The following FAM228B variants were observed in gnomAD, a reference collection of about 807,000 sequenced individuals.
The protein encoded by FAM228B is family with sequence similarity 228 member B, also known as protein FAM228B.
FAM228B carries 38 observed loss-of-function variants against 42.6 expected under a neutral mutation model. The observed-to-expected ratio is 0.89, with a 90% CI of 0.69 to 1.17. The LOEUF is 1.17. Among genes scored for constraint, FAM228B ranks in the 50% most tolerant of loss-of-function variants. The probability of loss-of-function intolerance (pLI) is 0.00; values close to 1 mark genes in which losing one functional copy is unlikely to be tolerated. For synonymous variants in FAM228B, 109 were observed against 122.3 expected, an observed-to-expected ratio of 0.89 and a Z score of 0.72; for missense variants, 344 against 367.3, an observed-to-expected ratio of 0.94 and a Z score of 0.52.
intron 10 of FAM228B, among the ~76,000 whole-genome samples, chr2:24,168,454 T>C (rs140421343): frequency 6.6e-6 from 1 of 152,330 alleles, no homozygotes; most frequent in East Asian, 1.9e-4. Context: ...CATGTGGCAA[T>C]GCTGCTGAGA....
chr2:24,123,696 T>C (rs1048587516), intron 1 of FAM228B, among the ~76,000 whole-genome samples, 163 bp downstream of exon 1: 1 of 150,282 alleles, frequency 6.7e-6, no homozygotes, highest in Admixed American at 6.6e-5. Flanking sequence ...GCCGGCGACC[T>C]CCCCGCCAGG....
intron 3 of FAM228B, among the ~76,000 whole-genome samples, chr2:24,101,198 C>T (rs1323699880): frequency 6.6e-6 from 1 of 152,108 alleles, no homozygotes; most frequent in African/African-American, 2.4e-5. Flanking sequence ...ACCAACATGG[C>T]ACATGTATAC....
chr2:24,108,409 T>C (rs1448840811), intron 3 of FAM228B, among the ~76,000 whole-genome samples: 1 of 152,022 alleles, frequency 6.6e-6, no homozygotes, highest in African/African-American at 2.4e-5. Context: ...TTACAAAAAA[T>C]TGAGGAGGAG....
intron 5 of FAM228B, among the ~76,000 whole-genome samples, chr2:24,143,256 C>G (rs968688273): frequency 1.3e-5 from 2 of 152,068 alleles, no homozygotes; most frequent in Non-Finnish European, 2.9e-5. Context: ...TCTCGGCTCA[C>G]TGCAACCTCC....
rs969589153 is a variant in FAM228B at position 24,123,510 on chromosome 2, G to T, written c.-56G>T. On this transcript the variant is annotated 5_prime_UTR_variant, in exon 1 of 11. Transcript: ENST00000615575. ...CCGCGGCGCAGGGGGCGGAGTGCTC[G>T]CGCGGCGCTGCGTCCGGGAGACGGT... 1.3e-5 allele frequency: 2 copies of T among 152,190 alleles called. No homozygotes were observed. The highest frequency in any genetic ancestry group is 6.5e-5 in the Admixed American group (1 of 15,276). The allele number at this position is 152,190 out of a possible 1,614,324, so 9.4% of individuals were successfully genotyped here.
Position 24,161,565 on chromosome 2 carries a change from C to T in FAM228B, c.746C>T (p.Ala249Val). The change falls in exon 8 of 11, where the codon GCT (alanine) becomes GTT (valine). Residue 249 changes from alanine (A) to valine (V), a missense_variant. Ala to Val is a moderately conservative substitution (Grantham distance 64). Coordinates refer to ENST00000615575, the MANE Select transcript of FAM228B (RefSeq NM_001145710.2). ...CSFDLKPLAR[A>V]PYLLESQEEE... ...TTTGATTTGAAACCTTTGGCAAGAG[C>T]TCCTTATCTTTTGGAATCCCAGGAA... 1 of 1,548,232 alleles carries T rather than the reference C, an allele frequency of 6.5e-7. No homozygotes were observed. Among genetic ancestry groups the T allele is most frequent in the Non-Finnish European group, 8.7e-7 (1 of 1,143,786 alleles).
In FAM228B at chr2:24,157,371, C is replaced by T. The variant is rs113578501; in HGVS notation, c.687-4135C>T. Among the ~76,000 whole-genome samples the T allele has an allele frequency of 3.8e-3, 571 of 152,188 alleles. 4 individuals are homozygous for T. Among genetic ancestry groups the T allele is most frequent in the Non-Finnish European group, 6.4e-3 (437 of 68,020 alleles). ...TTGGTAGGTACTATTACACAGATGA[C>T]TTAAGGACCTTTTCAATTTTATAGC... On this transcript the variant is annotated intron_variant, in intron 7 of 10. Transcript: ENST00000615575.
intron 7 of FAM228B, among the ~76,000 whole-genome samples, chr2:24,158,729 G>A (rs1407281507): frequency 6.6e-6 from 1 of 152,174 alleles, no homozygotes; most frequent in African/African-American, 2.4e-5. Flanking sequence ...GATGACACAA[G>A]GGAATTCTAG....
chr2:24,112,676 T>C (rs1293675594), intron 3 of FAM228B, among the ~76,000 whole-genome samples: 1 of 152,230 alleles, frequency 6.6e-6, no homozygotes, highest in Non-Finnish European at 1.5e-5. Context: ...ATATTACTTT[T>C]GTAATCCTAA....
rs1665427267 is a variant in FAM228B at position 24,093,227 on chromosome 2, A to ACACCTAT, written c.-209-1911_-209-1905dup. 2.6e-5 allele frequency among the ~76,000 whole-genome samples: 4 copies of ACACCTAT among 151,974 alleles called. 1 individual carries two copies. In the South Asian group the frequency reaches 8.3e-4, roughly 32 times the overall value. ...CATACATGTGCCATGGTGGTTTACT[A>ACACCTAT]CACCTATCAGCCTGTCATCTAGGCT... On this transcript the variant is annotated intron_variant, in intron 2 of 10. Transcript: ENST00000613899.
At chr2:24,164,520 G>GGCCCCCTGGTGGAGTCACACGATGAGGGT (rs879282865) in intron 9 of FAM228B, among the ~76,000 whole-genome samples, 185 bp downstream of exon 9, 2 of 150,974 alleles carry the variant, frequency 1.3e-5, no homozygotes, top group South Asian at 2.1e-4. Flanking sequence ...GGGCTGCCCT[G>GGCCCCCTGGTGGAGTCACACGATGAGGGT]GCCCCCTGGT....
chr2:24,086,110 C>CT (rs1665238541), intron 2 of FAM228B, among the ~76,000 whole-genome samples: 1 of 151,860 alleles, frequency 6.6e-6, no homozygotes, highest in African/African-American at 2.4e-5. Context: ...TGGCGGGCGC[C>CT]TGTAGTCCCA....
intron 2 of FAM228B, among the ~76,000 whole-genome samples, chr2:24,091,586 T>C (rs1473962093): frequency 1.3e-5 from 2 of 152,246 alleles, no homozygotes; most frequent in African/African-American, 2.4e-5. Context: ...AGCTTTATTC[T>C]ACTTCAGTTA....
In FAM228B at chr2:24,139,360, C is replaced by A; in HGVS notation, c.361-10C>A. The A allele has an allele frequency of 6.6e-7, 1 of 1,505,228 alleles. No homozygotes were observed. Among genetic ancestry groups the A allele is most frequent in the Non-Finnish European group, 9.0e-7 (1 of 1,109,992 alleles). 93.2% of individuals were successfully genotyped at this position (1,505,228 alleles called of 1,614,324 possible). On this transcript the variant is annotated splice_polypyrimidine_tract_variant and intron_variant, in intron 4 of 10. Coordinates refer to ENST00000615575, the MANE Select transcript of FAM228B (RefSeq NM_001145710.2). The stretch of plus-strand genomic sequence containing the variant: ...TTGTTCTTGTGTATCGTTTTATTTC[C>A]TTGCTATAGGGAAATGCATTTATAG...
chr2:24,130,619 C>A (rs1303624225), intron 2 of FAM228B, among the ~76,000 whole-genome samples: 1 of 152,030 alleles, frequency 6.6e-6, no homozygotes, highest in South Asian at 2.1e-4. Flanking sequence ...TTTTGAGAAG[C>A]ATCTGTTCAT....
At chr2:24,086,096 G>T (rs1217485903) in intron 2 of FAM228B, among the ~76,000 whole-genome samples, 1 of 151,882 alleles carries the variant, frequency 6.6e-6, no homozygotes. Flanking sequence ...TTAGCCGGGC[G>T]TGGTGGCGGG....
rs1010760398 is a variant in FAM228B at position 24,167,634 on chromosome 2, T to G, written c.940T>G (p.Ser314Ala). Reference sequence around the variant, plus strand: ...CTTCAATCTTCATTTAAGGTCTCCCTCCCCGCGTTTGGGGCTGCTGAAGCT... The same window carrying G: ...CTTCAATCTTCATTTAAGGTCTCCCGCCCCGCGTTTGGGGCTGCTGAAGCT... ...EREEDQDGSPSPRLGLLKLEL is the reference protein window; with the variant it reads ...EREEDQDGSPAPRLGLLKLEL Residue 314 changes from serine (S) to alanine (A), a missense_variant, in exon 10 of 11, where the codon TCC (serine) becomes GCC (alanine). Coordinates refer to ENST00000615575, the MANE Select transcript of FAM228B (RefSeq NM_001145710.2). 9 of 1,551,412 alleles carry G rather than the reference T, an allele frequency of 5.8e-6. No individual in the cohort carries two copies. In the African/African-American group the frequency reaches 1.1e-4, roughly 19 times the overall value.
Position 24,077,458 on chromosome 2 carries a change from T to G in FAM228B, c.-290+489T>G. On this transcript the variant is annotated intron_variant, in intron 1 of 10. Coordinates refer to the FAM228B transcript ENST00000613899. The surrounding 1 kb of genome is among the most constrained non-coding windows in gnomAD (Gnocchi z 5.5). ...TTCCAGTTCACTCTTTATTTCCTCA[T>G]ATCAGCTTTAAACGGCTCTGGAGGA... The G allele has an allele frequency of 3.4e-6, 4 of 1,178,568 alleles. No individual in the cohort carries two copies. The highest frequency in any genetic ancestry group is 1.5e-5 in the African/African-American group (1 of 64,968). The allele number at this position is 1,178,568 out of a possible 1,614,324, so 73.0% of individuals were successfully genotyped here.
rs3030953 is a variant in FAM228B at position 24,084,390 on chromosome 2, A to ACAGGGCAGGGCAGGG, written c.-210+3449_-210+3450insGCAGGGCAGGGCAGG. On this transcript the variant is annotated intron_variant, in intron 2 of 10. Coordinates refer to the FAM228B transcript ENST00000613899. The surrounding 1 kb of genome is among the most constrained non-coding windows in gnomAD (Gnocchi z 8.4). The stretch of plus-strand genomic sequence containing the variant: ...ACAGGGCAGGGCAGGGCAGGACAGG[A>ACAGGGCAGGGCAGGG]CAGGGCAGGGCAGGACAGGACAGGG... 2.6e-5 allele frequency: 30 copies of ACAGGGCAGGGCAGGG among 1,159,948 alleles called. No individual in the cohort carries two copies. Among genetic ancestry groups the ACAGGGCAGGGCAGGG allele is most frequent in the Admixed American group, 1.2e-4 (6 of 49,762 alleles). The allele number at this position is 1,159,948 out of a possible 1,614,324, so 71.9% of individuals were successfully genotyped here. A position where few individuals can be genotyped will look rare whatever the true frequency, so the allele number is the denominator to read the frequency against.
Sources: gnomAD v4.1 joint callset for allele counts (sites outside exome capture counted in the v4.1 genomes callset) on GRCh38, gnomAD v4.1.1 for gene constraint, Gnocchi (gnomAD v3.1) non-coding constraint, MANE v1.5 for transcripts, NCBI Gene and HGNC (gene_info 2026-07-23, HGNC 2026-07-21) for gene names.